SEMA5A: variants seen among roughly 807,000 people sequenced by gnomAD.
SEMA5A encodes the protein semaphorin-5A.
SEMA5A carries 55 observed loss-of-function variants against 135.5 expected under a neutral mutation model. That is an observed-to-expected ratio of 0.41 (90% CI 0.33 to 0.51). SEMA5A has a LOEUF of 0.51. SEMA5A is among the 20% of genes least tolerant of loss of function. The probability of loss-of-function intolerance (pLI) is 0.37; values close to 1 mark genes in which losing one functional copy is unlikely to be tolerated. For missense variants in SEMA5A, 1,290 were observed against 1,419.9 expected (o/e 0.91, Z 1.47); for synonymous variants, 580 against 546.5 (o/e 1.06, Z -0.85).
chr5:9,065,448 G>A (rs1055966364), intron 17 of SEMA5A, among the ~76,000 whole-genome samples: 7 of 152,336 alleles, frequency 4.6e-5, no homozygotes, highest in Middle Eastern at 6.8e-3. Flanking sequence ...ACACCAGCTC[G>A]GTGGCACTTG....
chr5:9,464,537 T>C lies in SEMA5A; in HGVS notation c.-174-26685A>G, dbSNP rs560631946. ...ATAATTTTAATAACATATTTTTAAG[T>C]CACATTCAATATATTTTTTAGAAAG... is the stretch of plus-strand genomic sequence containing the variant. On this transcript the variant is annotated intron_variant, in intron 1 of 22. Coordinates refer to ENST00000382496, the MANE Select transcript of SEMA5A (RefSeq NM_003966.3). Among the ~76,000 whole-genome samples, 5 of 152,328 alleles carry C rather than the reference T, an allele frequency of 3.3e-5. No individual in the cohort carries two copies. The South Asian group carries it at 1.0e-3, about 32-fold the overall frequency.
In SEMA5A at chr5:9,542,440, A is replaced by C. The variant is rs533924654; in HGVS notation, c.-175+3144T>G. ...GACGCTCATTTTATGATTCAAGAAA[A>C]CAGTTAACTTTCTTGGTATAAATTT... On this transcript the variant is annotated intron_variant, in intron 1 of 22. Coordinates refer to ENST00000382496, the MANE Select transcript of SEMA5A (RefSeq NM_003966.3). Among the ~76,000 whole-genome samples the C allele has an allele frequency of 2.6e-5, 4 of 152,356 alleles. No homozygotes were observed. The South Asian group carries it at 6.2e-4, about 24-fold the overall frequency.
intron 3 of SEMA5A, among the ~76,000 whole-genome samples, chr5:9,378,660 G>A (rs977604592): frequency 6.6e-6 from 1 of 152,184 alleles, no homozygotes; most frequent in Non-Finnish European, 1.5e-5. Context: ...AATTTGCAAA[G>A]GGTGTGAAAT....
intron 11 of SEMA5A, among the ~76,000 whole-genome samples, chr5:9,182,154 C>A (rs925304671): frequency 2.3e-5 from 3 of 128,266 alleles, no homozygotes; most frequent in Admixed American, 7.4e-5. Flanking sequence ...CTTCTGCCCC[C>A]CACCCCAAAA....
At chr5:9,257,688 T>G (rs982088239) in intron 5 of SEMA5A, among the ~76,000 whole-genome samples, 2 of 152,118 alleles carry the variant, frequency 1.3e-5, no homozygotes, top group Non-Finnish European at 2.9e-5. Flanking sequence ...ACCCTTCCCC[T>G]TGGTCATAAG....
At chr5:9,456,311 C>A (rs960797246) in intron 1 of SEMA5A, among the ~76,000 whole-genome samples, 3 of 152,212 alleles carry the variant, frequency 2.0e-5, no homozygotes, top group African/African-American at 7.2e-5. Flanking sequence ...TCTTCTGCAA[C>A]TGGCTGCTTC....
chr5:9,076,550 C>G (rs1260772786), intron 16 of SEMA5A, among the ~76,000 whole-genome samples: 1 of 152,104 alleles, frequency 6.6e-6, no homozygotes, highest in East Asian at 1.9e-4. Flanking sequence ...GGTGGACACC[C>G]TAAATACCCT....
At chr5:9,161,799 G>C (rs1743271427) in intron 11 of SEMA5A, among the ~76,000 whole-genome samples, 1 of 152,160 alleles carries the variant, frequency 6.6e-6, no homozygotes, top group Non-Finnish European at 1.5e-5. Flanking sequence ...TTCAAATATA[G>C]AGGTCCTTCT....
At chr5:9,125,433 C>T (rs1047366461) in intron 13 of SEMA5A, among the ~76,000 whole-genome samples, 3 of 152,126 alleles carry the variant, frequency 2.0e-5, no homozygotes, top group Non-Finnish European at 4.4e-5. Flanking sequence ...TCTATCAACC[C>T]ATTACCTAGG....
chr5:9,327,550 G>A lies in SEMA5A; in HGVS notation c.225-9133C>T, dbSNP rs192310323. Among the ~76,000 whole-genome samples, 72 of 152,236 alleles carry A rather than the reference G, an allele frequency of 4.7e-4. No individual in the cohort carries two copies. In the Middle Eastern group the frequency reaches 0.014, roughly 29 times the overall value. On this transcript the variant is annotated intron_variant, in intron 4 of 22. Transcript: ENST00000382496. ...TATTTAAATACCAAGATTAAAAGGT[G>A]CAAAAATAGATGGATAGTCTCTTAT...
intron 8 of SEMA5A, among the ~76,000 whole-genome samples, chr5:9,221,310 T>TG (rs1176695363): frequency 1.4e-5 from 2 of 147,412 alleles, no homozygotes; most frequent in Non-Finnish European, 1.5e-5. Context: ...TTTTTTTTTT[T>TG]TTTTTTTTTT....
intron 5 of SEMA5A, among the ~76,000 whole-genome samples, chr5:9,287,215 G>T (rs1579283705): frequency 6.6e-6 from 1 of 152,124 alleles, no homozygotes; most frequent in East Asian, 1.9e-4. Flanking sequence ...ATTAACCCAG[G>T]CAGCAGCATG....
At chr5:9,172,827 C>T (rs1744000658) in intron 11 of SEMA5A, among the ~76,000 whole-genome samples, 2 of 152,184 alleles carry the variant, frequency 1.3e-5, no homozygotes, top group South Asian at 2.1e-4. Flanking sequence ...TCCTTTCTCT[C>T]AATTTTAATT....
intron 16 of SEMA5A, among the ~76,000 whole-genome samples, chr5:9,098,776 T>C (rs1739465610): frequency 6.6e-6 from 1 of 152,208 alleles, no homozygotes; most frequent in South Asian, 2.1e-4. Flanking sequence ...ACTATTATTG[T>C]GTCTCCACAT....
chr5:9,495,653 G>A (rs1413569701), intron 1 of SEMA5A, among the ~76,000 whole-genome samples: 3 of 152,228 alleles, frequency 2.0e-5, no homozygotes, highest in Non-Finnish European at 4.4e-5. Flanking sequence ...TCAGCAGGAT[G>A]CGTCCACAGG....
At chr5:9,044,779 GATTATTATT>G (rs372233462) in intron 21 of SEMA5A, among the ~76,000 whole-genome samples, 195 bp from the exon 22 acceptor site, 1 of 151,758 alleles carries the variant, frequency 6.6e-6, no homozygotes, top group African/African-American at 2.4e-5. Flanking sequence ...GGGAGCACAG[GATTATTATT>G]ATTATTATTA....
At chr5:9,085,956 T>C (rs761052048) in intron 16 of SEMA5A, among the ~76,000 whole-genome samples, 34 of 152,222 alleles carry the variant, frequency 2.2e-4, no homozygotes, top group Non-Finnish European at 4.4e-4. Context: ...ATGTGAGACA[T>C]GGACTCAAAG....
intron 2 of SEMA5A, among the ~76,000 whole-genome samples, chr5:9,423,946 C>A (rs778462922): frequency 1.3e-5 from 2 of 152,190 alleles, no homozygotes; most frequent in Admixed American, 6.5e-5. Context: ...CAAACACAAA[C>A]TTTTCCCTAG....
At chr5:9,048,431 T>C (rs1736389348) in intron 21 of SEMA5A, among the ~76,000 whole-genome samples, 2 of 152,224 alleles carry the variant, frequency 1.3e-5, no homozygotes, top group South Asian at 4.1e-4. Context: ...TAATGCTTCA[T>C]CAGTCATCTG....
Sources: allele counts gnomAD v4.1 joint callset (sites outside exome capture counted in the v4.1 genomes callset), GRCh38; gene constraint gnomAD v4.1.1; transcripts MANE v1.5; gene names NCBI Gene and HGNC (gene_info 2026-07-23, HGNC 2026-07-21).